The following TENM1 variants were observed in gnomAD, a reference collection of about 807,000 sequenced individuals.
TENM1 encodes the protein teneurin-1.
TENM1 carries 35 observed loss-of-function variants against 174.8 expected under a neutral mutation model. The observed-to-expected ratio is 0.20, with a 90% CI of 0.15 to 0.27. The LOEUF (loss-of-function observed/expected upper bound fraction) is 0.27. Ranked by LOEUF, TENM1 falls within the 10% of genes least tolerant of loss-of-function variation. The probability of loss-of-function intolerance (pLI) is 1.00; values close to 1 mark genes in which losing one functional copy is unlikely to be tolerated. For missense variants in TENM1, 1,633 were observed against 2,130.1 expected, an observed-to-expected ratio of 0.77 and a Z score of 4.59; for synonymous variants, 781 against 798.7, an observed-to-expected ratio of 0.98 and a Z score of 0.37.
In TENM1 at chrX:124,926,033, C is replaced by T. The variant is rs780774626; in HGVS notation, c.218-29792G>A. On this transcript the variant is annotated intron_variant, in intron 1 of 31. Transcript: ENST00000422452. ...ATATGCAGCTTTTTACTTTTAAATG[C>T]TAATAACTAATTCAATTTTTAAAGT... 8.0e-5 allele frequency among the ~76,000 whole-genome samples: 9 copies of T among 112,311 alleles called. No homozygotes were observed. The East Asian group carries it at 2.0e-3, about 24-fold the overall frequency.
chrX:125,045,488 A>G, the TENM1 span, among the ~76,000 whole-genome samples: 1 of 111,819 alleles, frequency 8.9e-6, no homozygotes, highest in African/African-American at 3.2e-5. Context: ...GATACAGTCC[A>G]TTCCTGTGCA....
intron 3 of TENM1, among the ~76,000 whole-genome samples, chrX:124,760,120 A>G (rs1197105586): frequency 9.0e-6 from 1 of 111,579 alleles, no homozygotes; most frequent in Non-Finnish European, 1.9e-5. Context: ...GAGGAGCCCA[A>G]CCTCTCCTGT....
chrX:124,639,708 G>A (rs1280481227), intron 11 of TENM1, among the ~76,000 whole-genome samples: 1 of 110,921 alleles, frequency 9.0e-6, no homozygotes, highest in African/African-American at 3.3e-5. Flanking sequence ...TATGTACAAT[G>A]CTTACAATAG....
chrX:124,953,322 G>A (rs2058519016), intron 1 of TENM1, among the ~76,000 whole-genome samples: 1 of 111,783 alleles, frequency 8.9e-6, no homozygotes, highest in South Asian at 3.7e-4. Context: ...AACCCTCCGA[G>A]GTTCCCTGTC....
chrX:124,722,626 G>T (rs778576662), intron 4 of TENM1, among the ~76,000 whole-genome samples: 37 of 110,285 alleles, frequency 3.4e-4, no homozygotes, highest in Non-Finnish European at 2.5e-4. Flanking sequence ...GGATCACGAG[G>T]TCAGGAGATC....
At chrX:124,424,204 T>C (rs1245658940) in intron 23 of TENM1, among the ~76,000 whole-genome samples, 1 of 112,654 alleles carries the variant, frequency 8.9e-6, no homozygotes, top group Non-Finnish European at 1.9e-5. Context: ...TATCAGGTGC[T>C]CTGGTTTGAA....
chrX:124,521,804 T>TA (rs1268181068), intron 17 of TENM1, among the ~76,000 whole-genome samples: 4 of 112,252 alleles, frequency 3.6e-5, no homozygotes, highest in African/African-American at 9.7e-5. Flanking sequence ...AACTGATTGT[T>TA]AAACATATGG....
At chrX:124,451,720 C>T (rs775341528) in intron 23 of TENM1, among the ~76,000 whole-genome samples, 14 of 111,753 alleles carry the variant, frequency 1.3e-4, no homozygotes, top group African/African-American at 4.2e-4. Context: ...TAATACCACA[C>T]ATCTATAGCT....
At chrX:125,147,182 T>C in the TENM1 span, among the ~76,000 whole-genome samples, 83 of 107,352 alleles carry the variant, frequency 7.7e-4, 1 homozygote, top group East Asian at 0.014. Flanking sequence ...ATCACATATA[T>C]GTGTGTATAC....
chrX:124,409,906 G>A (rs1247462251), intron 25 of TENM1, among the ~76,000 whole-genome samples: 1 of 110,326 alleles, frequency 9.1e-6, no homozygotes, highest in Non-Finnish European at 1.9e-5. Context: ...CACGCTCATG[G>A]GTAGGAAGAA....
intron 3 of TENM1, among the ~76,000 whole-genome samples, chrX:124,846,998 G>A (rs900172906): frequency 8.9e-6 from 1 of 111,828 alleles, no homozygotes. Flanking sequence ...GCTAATGCTA[G>A]GAATGATATC....
intron 16 of TENM1, among the ~76,000 whole-genome samples, chrX:124,528,383 C>T (rs1448439312): frequency 9.0e-6 from 1 of 111,029 alleles, no homozygotes; most frequent in East Asian, 2.8e-4. Context: ...AATAATTCAC[C>T]GAAACCTTTG....
intron 1 of TENM1, among the ~76,000 whole-genome samples, chrX:124,905,005 T>TA (rs1184130182): frequency 9.0e-6 from 1 of 110,853 alleles, no homozygotes; most frequent in African/African-American, 3.3e-5. Context: ...AGAATGTTAC[T>TA]AAAAAAAATA....
In TENM1 at chrX:124,668,548, A is replaced by G. The variant is rs1189283005; in HGVS notation, c.1168+3135T>C. ...AAAAGGATAAGTTCATGTCCTTTGT[A>G]GGGACATGGATGAAGCGGGAAACCG... On this transcript the variant is annotated intron_variant, in intron 6 of 31. Coordinates refer to ENST00000422452, the Ensembl canonical transcript of TENM1. Among the ~76,000 whole-genome samples the G allele has an allele frequency of 2.7e-5, 3 of 111,829 alleles. No individual in the cohort carries two copies. The East Asian group carries it at 8.4e-4, about 31-fold the overall frequency.
At chrX:124,966,520 G>A (rs1162286382), upstream of TENM1, among the ~76,000 whole-genome samples, 1 of 108,697 alleles carries the variant, frequency 9.2e-6, no homozygotes. Flanking sequence ...AAATTAGCCG[G>A]GCGTGGTAGC....
intron 3 of TENM1, among the ~76,000 whole-genome samples, chrX:124,822,275 T>C (rs761226417): frequency 8.9e-6 from 1 of 112,589 alleles, no homozygotes; most frequent in Admixed American, 9.4e-5. Context: ...TCCTGGTCCC[T>C]GCATAGTGAC....
intron 4 of TENM1, among the ~76,000 whole-genome samples, chrX:124,706,977 T>G (rs1004163866): frequency 6.5e-5 from 6 of 92,564 alleles, no homozygotes; most frequent in Admixed American, 1.3e-4. Flanking sequence ...TGAGACGGAG[T>G]CTCGCTGTCA....
At chrX:124,720,234 T>C (rs929082475) in intron 4 of TENM1, among the ~76,000 whole-genome samples, 18 of 111,914 alleles carry the variant, frequency 1.6e-4, no homozygotes, top group African/African-American at 5.9e-4. Flanking sequence ...GTTATATCCC[T>C]CCAGTGTTAA....
At chrX:125,004,224 C>A in the TENM1 span, among the ~76,000 whole-genome samples, 21 of 111,840 alleles carry the variant, frequency 1.9e-4, no homozygotes, top group African/African-American at 6.8e-4. Context: ...CCACTCCGAG[C>A]ATTTCTGATT....
Sources: allele counts gnomAD v4.1 joint callset (sites outside exome capture counted in the v4.1 genomes callset), GRCh38; gene constraint gnomAD v4.1.1; transcripts MANE v1.5; gene names NCBI Gene and HGNC (gene_info 2026-07-23, HGNC 2026-07-21).